Variants in SNX30 observed in about 807,000 individuals in gnomAD.
The protein encoded by SNX30 is sorting nexin family member 30.
SNX30 carries 24 observed loss-of-function variants against 46.4 expected under a neutral mutation model. The ratio of observed to expected loss-of-function variants is 0.52; its 90% CI spans 0.37 to 0.73. The LOEUF (loss-of-function observed/expected upper bound fraction) is 0.73, where lower values mean the gene tolerates loss of function less well. Ranked by LOEUF, SNX30 falls within the 30% of genes least tolerant of loss-of-function variation. The pLI is 0.00. For missense variants in SNX30, 533 were observed against 555.7 expected (o/e 0.96, Z 0.41); for synonymous variants, 189 against 211.5 (o/e 0.89, Z 0.92).
At chr9:112,823,224 A>T (rs913095987) in intron 3 of SNX30, among the ~76,000 whole-genome samples, 20 of 152,212 alleles carry the variant, frequency 1.3e-4, no homozygotes, top group Non-Finnish European at 5.9e-5. Context: ...TACAGGGTTC[A>T]ATACCATCCA....
chr9:112,836,177 A>C (rs367911634), intron 4 of SNX30, 37 bp from the exon 5 acceptor site: 5 of 1,549,326 alleles, frequency 3.2e-6, no homozygotes, highest in Non-Finnish European at 4.4e-6. Flanking sequence ...CATGTGAGTG[A>C]GTGAGTGCTT....
intron 4 of SNX30, among the ~76,000 whole-genome samples, chr9:112,835,446 C>T (rs1453443849): frequency 2.0e-5 from 3 of 151,890 alleles, no homozygotes; most frequent in African/African-American, 7.3e-5. Context: ...GCTGGGACTA[C>T]AGGTGCATGC....
intron 7 of SNX30, among the ~76,000 whole-genome samples, chr9:112,863,849 C>T (rs1270289455): frequency 1.3e-5 from 2 of 152,170 alleles, no homozygotes; most frequent in East Asian, 3.9e-4. Flanking sequence ...CAATATGGGA[C>T]ACAGGAGAAT....
intron 1 of SNX30, among the ~76,000 whole-genome samples, chr9:112,776,791 C>A (rs1164260458): frequency 4.6e-5 from 7 of 152,200 alleles, no homozygotes; most frequent in Admixed American, 4.6e-4. Flanking sequence ...GGCCTCCTTT[C>A]AGGATGTGTG....
chr9:112,831,054 T>C (rs1323314655), intron 4 of SNX30, among the ~76,000 whole-genome samples, 171 bp downstream of exon 4: 1 of 151,864 alleles, frequency 6.6e-6, no homozygotes, highest in Non-Finnish European at 1.5e-5. Context: ...AGGAGGTAGC[T>C]TGAGCCCAGG....
chr9:112,808,482 C>CT (rs1213252058), intron 2 of SNX30, among the ~76,000 whole-genome samples: 2 of 152,154 alleles, frequency 1.3e-5, no homozygotes, highest in Non-Finnish European at 2.9e-5. Flanking sequence ...GCTTCTGGCT[C>CT]TTTTTTTCTG....
chr9:112,814,639 A>G (rs1328492870), intron 2 of SNX30, among the ~76,000 whole-genome samples: 1 of 152,228 alleles, frequency 6.6e-6, no homozygotes. Flanking sequence ...CCCAATAGTA[A>G]TTAAAGAAAC....
intron 1 of SNX30, among the ~76,000 whole-genome samples, chr9:112,753,813 A>C (rs896305445): frequency 6.6e-6 from 1 of 152,224 alleles, no homozygotes; most frequent in African/African-American, 2.4e-5. Flanking sequence ...TTCTCTGACT[A>C]GGAGTAACAT....
chr9:112,771,835 A>G (rs1192545939), intron 1 of SNX30, among the ~76,000 whole-genome samples: 1 of 152,200 alleles, frequency 6.6e-6, no homozygotes, highest in Non-Finnish European at 1.5e-5. Context: ...AAAAAGAGAC[A>G]GTGCTTTTCT....
In SNX30 at chr9:112,804,971, G is replaced by T; in HGVS notation, c.348+4G>T. 6.3e-7 allele frequency: 1 copy of T among 1,583,620 alleles called. No homozygotes were observed. The highest frequency in any genetic ancestry group is 1.2e-5 in the South Asian group (1 of 86,702). On this transcript the variant is annotated splice_donor_region_variant and intron_variant, in intron 2 of 8. Transcript: ENST00000374232. ...CACCTATAGGATCACCACCAAAGTA[G>T]GTCCCTGTGTTATAGAATGCCCGTG...
At position 112,843,905 on chromosome 9, in the gene SNX30, G is replaced by T. The variant is rs116904996; in HGVS notation, c.1014+5208G>T. 2.5e-3 allele frequency among the ~76,000 whole-genome samples: 379 copies of T among 152,290 alleles called. 2 individuals carry two copies. In the South Asian group the frequency reaches 0.027, roughly 11 times the overall value. On this transcript the variant is annotated intron_variant, in intron 6 of 8. Coordinates refer to ENST00000374232, the MANE Select transcript of SNX30 (RefSeq NM_001012994.2). ...GTAGCGTCTTAAAGACCATCTTAAA[G>T]GCTGGTAAGAGTCTGGACTTTATTC...
chr9:112,828,920 C>T (rs138049214), intron 3 of SNX30, among the ~76,000 whole-genome samples: 6 of 152,186 alleles, frequency 3.9e-5, no homozygotes, highest in African/African-American at 7.2e-5. Flanking sequence ...TCATTTCCCC[C>T]GATCTCTCCA....
chr9:112,838,701 AG>A lies in SNX30; in HGVS notation c.1014+5del. ...TTTATACTCTGACTCCATGAAGGTA[AG>A]CTGGCTTGCTTCTTGTGTATTTGCA... On this transcript the variant is annotated splice_donor_5th_base_variant and intron_variant, in intron 6 of 8. Coordinates refer to ENST00000374232, the MANE Select transcript of SNX30 (RefSeq NM_001012994.2). The A allele has an allele frequency of 6.2e-7, 1 of 1,613,408 alleles. No homozygotes were observed.
chr9:112,784,360 C>T (rs1482176201), intron 1 of SNX30, among the ~76,000 whole-genome samples: 1 of 152,172 alleles, frequency 6.6e-6, no homozygotes, highest in African/African-American at 2.4e-5. Flanking sequence ...CAGCTTGCTG[C>T]TTAACAGCCG....
At chr9:112,826,447 G>A (rs1389452075) in intron 3 of SNX30, among the ~76,000 whole-genome samples, 2 of 152,144 alleles carry the variant, frequency 1.3e-5, no homozygotes, top group African/African-American at 4.8e-5. Context: ...GGGGTGGTTG[G>A]ATTCGTATTT....
intron 3 of SNX30, among the ~76,000 whole-genome samples, chr9:112,821,786 C>T (rs1335299462): frequency 6.8e-6 from 1 of 146,800 alleles, no homozygotes; most frequent in African/African-American, 2.5e-5. Flanking sequence ...GCGCCCAGCC[C>T]CATTATATGT....
chr9:112,867,920 G>T (rs1208824734), intron 8 of SNX30, among the ~76,000 whole-genome samples: 1 of 152,220 alleles, frequency 6.6e-6, no homozygotes, highest in African/African-American at 2.4e-5. Context: ...CCCTCTTTAT[G>T]CAAGAGACTT....
In SNX30 at chr9:112,874,255, C is replaced by T. The variant is rs1841488396; in HGVS notation, c.*5412C>T. The T allele has an allele frequency of 6.6e-6, 1 of 152,196 alleles. No individual in the cohort carries two copies. The highest frequency in any genetic ancestry group is 2.1e-4 in the South Asian group (1 of 4,828). The allele number at this position is 152,196 out of a possible 1,614,324, so 9.4% of individuals were successfully genotyped here. A position where few individuals can be genotyped will look rare whatever the true frequency, so the allele number is the denominator to read the frequency against. On this transcript the variant is annotated 3_prime_UTR_variant, in exon 9 of 9. Transcript: ENST00000374232. ...AACAAACCAGCATCTCTTAAAGGCGCTTTTGGCCTAGACACCCCTGAAGTT... is the reference window on the plus strand; with the variant it reads ...AACAAACCAGCATCTCTTAAAGGCGTTTTTGGCCTAGACACCCCTGAAGTT...
intron 1 of SNX30, among the ~76,000 whole-genome samples, chr9:112,752,482 G>A (rs1289047497): frequency 1.3e-5 from 2 of 152,072 alleles, no homozygotes. Context: ...GCATGCACCT[G>A]TAATCCAGGC....
Sources: allele counts gnomAD v4.1 joint callset (sites outside exome capture counted in the v4.1 genomes callset), GRCh38; gene constraint gnomAD v4.1.1; transcripts MANE v1.5; gene names NCBI Gene and HGNC (gene_info 2026-07-23, HGNC 2026-07-21).